Variants in FNDC7 observed in about 807,000 individuals in gnomAD.
FNDC7 encodes fibronectin type III domain containing 7, also known as fibronectin type III domain-containing protein 7.
In FNDC7, 66 loss-of-function variants were observed where a neutral mutation model predicts 74.2. That is an observed-to-expected ratio of 0.89 (90% CI 0.73 to 1.09). The LOEUF is 1.09. FNDC7 is among the 50% of genes least tolerant of loss of function. FNDC7 has a pLI of 0.00. For missense variants in FNDC7, 829 were observed against 893.4 expected (o/e 0.93, Z 0.92); for synonymous variants, 307 against 330.2 (o/e 0.93, Z 0.76).
chr1:108,730,985 C>CATA (rs1016911331), intron 9 of FNDC7, 57 bp downstream of exon 9: 1 of 1,512,342 alleles, frequency 6.6e-7, no homozygotes, highest in African/African-American at 1.4e-5. Context: ...TCAATCCAGG[C>CATA]ATGAGCCTTT....
At chr1:108,722,671 T>C (rs1661120362) in intron 5 of FNDC7, 79 bp downstream of exon 5, 2 of 1,424,700 alleles carry the variant, frequency 1.4e-6, no homozygotes, top group East Asian at 4.7e-5. Context: ...ACAATGTTTC[T>C]GAATACTCTG....
chr1:108,737,411 T>C (rs1379384937), intron 10 of FNDC7, 84 bp from the exon 11 acceptor site: 4 of 1,298,722 alleles, frequency 3.1e-6, no homozygotes, highest in Non-Finnish European at 1.1e-6. Flanking sequence ...TACTTTCCTT[T>C]TATTCTTTCT....
intron 11 of FNDC7, among the ~76,000 whole-genome samples, chr1:108,739,009 T>C (rs1423389960): frequency 2.0e-5 from 3 of 152,076 alleles, no homozygotes; most frequent in South Asian, 2.1e-4. Context: ...CCCTGAGACA[T>C]AGAGGTGTGG....
intron 8 of FNDC7, among the ~76,000 whole-genome samples, chr1:108,730,407 T>C (rs1253786987): frequency 7.1e-6 from 1 of 140,668 alleles, no homozygotes; most frequent in Non-Finnish European, 1.5e-5. Flanking sequence ...AAAGGATGTC[T>C]TTCTTATTCT....
rs1661322721 is a variant in FNDC7, at chr1:108,730,696, G to A, written c.1647G>A (p.Leu549=). The change falls in exon 9 of 13, where the codon CTG becomes CTA. Residue 549 remains leucine (L), a synonymous_variant. Transcript: ENST00000370017. ...LETVPCCPTG[L]TVTQITQSVI... The stretch of plus-strand genomic sequence containing the variant: ...AAGTGCCATGCTGTCCAACCGGTCT[G>A]ACAGTAACTCAAATCACCCAGTCAG... 2.5e-6 allele frequency: 4 copies of A among 1,592,924 alleles called. No individual in the cohort carries two copies. In the Admixed American group the frequency reaches 6.9e-5, roughly 28 times the overall value.
At chr1:108,730,103 G>C (rs1351397778) in intron 8 of FNDC7, among the ~76,000 whole-genome samples, 1 of 152,186 alleles carries the variant, frequency 6.6e-6, no homozygotes, top group East Asian at 1.9e-4. Flanking sequence ...GATGGGCCGG[G>C]CATGGTGGCT....
intron 8 of FNDC7, 75 bp from the exon 9 acceptor site, chr1:108,730,599 C>A: frequency 1.4e-6 from 2 of 1,451,902 alleles, no homozygotes; most frequent in Non-Finnish European, 1.8e-6. Flanking sequence ...GGCAAAATAC[C>A]ATTCTTTATC....
intron 9 of FNDC7, among the ~76,000 whole-genome samples, chr1:108,731,912 C>G (rs1179714136): frequency 6.6e-6 from 1 of 152,122 alleles, no homozygotes; most frequent in Non-Finnish European, 1.5e-5. Flanking sequence ...TGACCCATTG[C>G]TTATTCTTTT....
At chr1:108,733,016 C>T (rs1660517928) in intron 9 of FNDC7, among the ~76,000 whole-genome samples, 1 of 151,290 alleles carries the variant, frequency 6.6e-6, no homozygotes, top group South Asian at 2.1e-4. Flanking sequence ...TTAAGCGATC[C>T]TCCTGCCTTG....
At chr1:108,730,635 A>T in intron 8 of FNDC7, 39 bp from the exon 9 acceptor site, 2 of 1,490,922 alleles carry the variant, frequency 1.3e-6, no homozygotes, top group Non-Finnish European at 1.8e-6. Context: ...TCTTCAGTGG[A>T]AATAAATCTC....
At chr1:108,724,764 AAATT>A (rs763533434) in intron 5 of FNDC7, among the ~76,000 whole-genome samples, 2 of 150,764 alleles carry the variant, frequency 1.3e-5, no homozygotes, top group African/African-American at 2.5e-5. Context: ...CAAAAAAAAA[AAATT>A]AATTAATTAA....
At chr1:108,735,631 C>T (rs751836814) in intron 10 of FNDC7, among the ~76,000 whole-genome samples, 14 of 152,162 alleles carry the variant, frequency 9.2e-5, no homozygotes, top group Non-Finnish European at 1.6e-4. Flanking sequence ...ATCATTTCAA[C>T]ATCTAATCAA....
At chr1:108,714,902 A>C (rs1320846853) in intron 2 of FNDC7, among the ~76,000 whole-genome samples, 1 of 151,950 alleles carries the variant, frequency 6.6e-6, no homozygotes, top group Non-Finnish European at 1.5e-5. Flanking sequence ...CGGCTTCTTA[A>C]ATAAGTCGAC....
chr1:108,721,522 A>T (rs1452309809), intron 4 of FNDC7, among the ~76,000 whole-genome samples: 1 of 152,178 alleles, frequency 6.6e-6, no homozygotes, highest in Non-Finnish European at 1.5e-5. Flanking sequence ...TGTCCAGAGG[A>T]TGCTGGTCTC....
At chr1:108,715,037 T>C (rs1357752867) in intron 2 of FNDC7, among the ~76,000 whole-genome samples, 3 of 152,078 alleles carry the variant, frequency 2.0e-5, no homozygotes, top group African/African-American at 7.2e-5. Flanking sequence ...AGAGAAATGG[T>C]GGGTCAGGCT....
chr1:108,740,029 T>TAA lies in FNDC7; in HGVS notation c.2171-1724_2171-1723dup, dbSNP rs34183498. On this transcript the variant is annotated intron_variant, in intron 11 of 12. Coordinates refer to ENST00000370017, the MANE Select transcript of FNDC7 (RefSeq NM_001144937.3). ...CCCCCTGCCCTCAACGCCATCTCTC[T>TAA]AAAAAAAAAAAAAAAAAAAAATCCC... Among the ~76,000 whole-genome samples, 77 of 109,218 alleles carry TAA rather than the reference T, an allele frequency of 7.1e-4. 4 individuals are homozygous for TAA. Among genetic ancestry groups the TAA allele is most frequent in the African/African-American group, 1.9e-3 (52 of 27,736 alleles). The allele number at this position is 109,218 out of a possible 152,430, so 71.7% of individuals were successfully genotyped here.
chr1:108,717,437 G>A (rs545712055), intron 2 of FNDC7, among the ~76,000 whole-genome samples: 29 of 116,576 alleles, frequency 2.5e-4, no homozygotes, highest in African/African-American at 6.5e-4. Flanking sequence ...CTGGAAGAAA[G>A]CCTCTCAATT....
chr1:108,722,946 T>C (rs1016841093), intron 5 of FNDC7, among the ~76,000 whole-genome samples: 1 of 151,524 alleles, frequency 6.6e-6, no homozygotes, highest in Non-Finnish European at 1.5e-5. Context: ...CTTTGCGTCA[T>C]GTCTCATGTC....
chr1:108,725,309 C>A (rs528850911), intron 5 of FNDC7, among the ~76,000 whole-genome samples: 1 of 152,012 alleles, frequency 6.6e-6, no homozygotes, highest in Non-Finnish European at 1.5e-5. Flanking sequence ...TAATATAAAA[C>A]ACAATGAATG....
Sources: gnomAD v4.1 joint callset for allele counts (sites outside exome capture counted in the v4.1 genomes callset) on GRCh38, gnomAD v4.1.1 for gene constraint, MANE v1.5 for transcripts, NCBI Gene and HGNC (gene_info 2026-07-23, HGNC 2026-07-21) for gene names.